The following RIPOR3 variants were observed in gnomAD, a reference collection of about 807,000 sequenced individuals.
The protein encoded by RIPOR3 is family with sequence similarity 65 member C.
Under a neutral mutation model 114.3 loss-of-function variants are expected in RIPOR3, and 95 were observed. The ratio of observed to expected loss-of-function variants is 0.83; its 90% CI spans 0.70 to 0.99. RIPOR3 has a LOEUF of 0.99. Ranked by LOEUF, RIPOR3 falls within the 50% of genes least tolerant of loss-of-function variation. The pLI, the probability that RIPOR3 is intolerant of heterozygous loss-of-function variation, is 0.00. For synonymous variants in RIPOR3, 575 were observed against 543.8 expected (o/e 1.06, Z -0.80); for missense variants, 1,252 against 1,266.9 (o/e 0.99, Z 0.18).
intron 17 of RIPOR3, 22 bp downstream of exon 17, chr20:50,594,531 G>C: frequency 6.2e-7 from 1 of 1,604,730 alleles, no homozygotes. Flanking sequence ...GGGAGGGGAC[G>C]ACAGGACAGA....
intron 16 of RIPOR3, 46 bp from the exon 17 acceptor site, chr20:50,594,760 A>G: frequency 3.8e-6 from 6 of 1,577,934 alleles, no homozygotes; most frequent in Non-Finnish European, 4.3e-6. Context: ...CGGGGAGAGC[A>G]CATGACAAGG....
intron 1 of RIPOR3, among the ~76,000 whole-genome samples, chr20:50,648,566 A>C (rs186133890): frequency 5.3e-5 from 8 of 152,122 alleles, no homozygotes; most frequent in Non-Finnish European, 8.8e-5. Flanking sequence ...CATTACATTC[A>C]TTGTGCACTT....
chr20:50,673,756 G>A (rs145573743), intron 1 of RIPOR3, among the ~76,000 whole-genome samples: 5 of 152,338 alleles, frequency 3.3e-5, no homozygotes, highest in African/African-American at 1.2e-4. Flanking sequence ...TCTCCTCAGC[G>A]TCAAAGAAAC....
chr20:50,632,213 G>A (rs59209485), intron 1 of RIPOR3, among the ~76,000 whole-genome samples: 1 of 152,154 alleles, frequency 6.6e-6, no homozygotes, highest in African/African-American at 2.4e-5. Context: ...ACATAGGAAA[G>A]CTTGGCAACA....
Position 50,647,728 on chromosome 20 carries a change from C to T in RIPOR3, c.4-16872G>A, listed in dbSNP as rs185798093. On this transcript the variant is annotated intron_variant, in intron 1 of 21. Transcript: ENST00000327979. ...CGATCTCCTGACCTCGTGATCCACC[C>T]GCCTCGGCCTCCCAAAGTGCTGGGA... Among the ~76,000 whole-genome samples, 275 of 151,462 alleles carry T rather than the reference C, an allele frequency of 1.8e-3. 4 individuals are homozygous for T. Among genetic ancestry groups the T allele is most frequent in the Admixed American group, 0.013 (197 of 15,224 alleles).
chr20:50,627,992 C>T (rs903809901), intron 2 of RIPOR3, among the ~76,000 whole-genome samples: 2 of 152,198 alleles, frequency 1.3e-5, no homozygotes, highest in Admixed American at 6.5e-5. Context: ...TCACCTGGGC[C>T]GGATGGCCCC....
At position 50,587,786 on chromosome 20, in the gene RIPOR3, T is replaced by G; in HGVS notation, c.2752+16A>C. 2.5e-6 allele frequency: 4 copies of G among 1,613,774 alleles called. No individual in the cohort carries two copies. Among genetic ancestry groups the G allele is most frequent in the Non-Finnish European group, 3.4e-6 (4 of 1,179,756 alleles). On this transcript the variant is annotated intron_variant, in intron 21 of 21. Transcript: ENST00000327979. ...CAGGCACCCCGCTGCGCTGCACAGT[T>G]TGTGCCACTTTTTACCGAACGACAG...
At chr20:50,637,299 C>A (rs894016220) in intron 1 of RIPOR3, among the ~76,000 whole-genome samples, 5 of 152,126 alleles carry the variant, frequency 3.3e-5, no homozygotes, top group Admixed American at 2.6e-4. Flanking sequence ...GAGCCCCCCT[C>A]CAGCCTTTGC....
chr20:50,661,069 C>T (rs1468201311), intron 1 of RIPOR3, among the ~76,000 whole-genome samples: 1 of 151,912 alleles, frequency 6.6e-6, no homozygotes, highest in Non-Finnish European at 1.5e-5. Flanking sequence ...GAAAACCTGT[C>T]TCTATTAAAA....
intron 13 of RIPOR3, among the ~76,000 whole-genome samples, chr20:50,598,436 A>G (rs1479144553): frequency 6.6e-6 from 1 of 152,052 alleles, no homozygotes; most frequent in African/African-American, 2.4e-5. Flanking sequence ...CTTGTGTCCA[A>G]CACAAACTGC....
intron 2 of RIPOR3, 144 bp from the exon 3 acceptor site, chr20:50,620,276 G>T: frequency 1.0e-6 from 1 of 963,480 alleles, no homozygotes; most frequent in Non-Finnish European, 1.5e-6. Context: ...CCACCAAGCA[G>T]TGTGGTTTCC....
intron 1 of RIPOR3, among the ~76,000 whole-genome samples, chr20:50,676,540 T>TA (rs1003815740): frequency 2.6e-5 from 4 of 152,126 alleles, no homozygotes; most frequent in African/African-American, 9.6e-5. Flanking sequence ...TGGTCCCAGC[T>TA]ACTCTGGAGG....
At chr20:50,643,712 T>TC (rs2085288715) in intron 1 of RIPOR3, among the ~76,000 whole-genome samples, 2 of 144,908 alleles carry the variant, frequency 1.4e-5, no homozygotes, top group African/African-American at 2.6e-5. Context: ...CTTTCTTTTT[T>TC]TTTTTTTTTT....
intron 1 of RIPOR3, chr20:50,637,011 G>A (rs988129263): frequency 1.3e-6 from 1 of 751,304 alleles, no homozygotes; most frequent in South Asian, 6.0e-5. Flanking sequence ...AGCTCCTTTG[G>A]TTTCGCATGA....
chr20:50,656,000 T>TTTTTTTTC (rs900429138), intron 1 of RIPOR3, among the ~76,000 whole-genome samples: 9 of 151,920 alleles, frequency 5.9e-5, no homozygotes, highest in East Asian at 3.9e-4. Flanking sequence ...ATTGTTTCCT[T>TTTTTTTTC]TTTTTTTCTT....
chr20:50,610,635 C>T (rs2083943239), intron 6 of RIPOR3, among the ~76,000 whole-genome samples: 1 of 152,106 alleles, frequency 6.6e-6, no homozygotes, highest in Non-Finnish European at 1.5e-5. Context: ...AGTCCCACCT[C>T]AGGGCTGAGC....
At chr20:50,640,743 T>C (rs2085161298) in intron 1 of RIPOR3, among the ~76,000 whole-genome samples, 2 of 152,076 alleles carry the variant, frequency 1.3e-5, no homozygotes, top group Non-Finnish European at 2.9e-5. Flanking sequence ...GCTTCCTTTC[T>C]GCAGTGACCT....
chr20:50,611,479 T>G (rs1245874935), intron 4 of RIPOR3, among the ~76,000 whole-genome samples: 1 of 152,236 alleles, frequency 6.6e-6, no homozygotes, highest in Non-Finnish European at 1.5e-5. Flanking sequence ...ATTCAGCCTT[T>G]CTGGGCCTCC....
rs556462013 is a variant in RIPOR3 at position 50,656,954 on chromosome 20, T to C, written c.4-26098A>G. On this transcript the variant is annotated intron_variant, in intron 1 of 21. Transcript: ENST00000327979. Reference sequence around the variant, plus strand: ...ACCTCCAGACTCAAATCTTGGTCTATGTTTGAGGCTCTGTCTTTAGGATGA... The same window carrying C: ...ACCTCCAGACTCAAATCTTGGTCTACGTTTGAGGCTCTGTCTTTAGGATGA... Among the ~76,000 whole-genome samples the C allele has an allele frequency of 7.2e-5, 11 of 152,344 alleles. No individual in the cohort carries two copies. In the South Asian group the frequency reaches 1.0e-3, roughly 14 times the overall value.
Sources: gnomAD v4.1 joint callset for allele counts (sites outside exome capture counted in the v4.1 genomes callset) on GRCh38, gnomAD v4.1.1 for gene constraint, MANE v1.5 for transcripts, NCBI Gene and HGNC (gene_info 2026-07-23, HGNC 2026-07-21) for gene names.